The following C5 variants were observed in gnomAD, a reference collection of about 807,000 sequenced individuals.
C5 encodes the protein complement C5, also known as C3 and PZP-like alpha-2-macroglobulin domain-containing protein 4.
In C5, 140 loss-of-function variants were observed where a neutral mutation model predicts 218.8. The ratio of observed to expected loss-of-function variants is 0.64; its 90% confidence interval spans 0.56 to 0.74. The LOEUF (loss-of-function observed/expected upper bound fraction) is 0.74, where lower values mean the gene tolerates loss of function less well. C5 is among the 30% of genes least tolerant of loss of function. C5 has a pLI of 0.00. For missense variants in C5, 1,700 were observed against 1,969.6 expected (o/e 0.86, Z 2.59); for synonymous variants, 614 against 682.3 (o/e 0.90, Z 1.56).
intron 20 of C5, among the ~76,000 whole-genome samples, chr9:120,998,846 T>C (rs190540217): frequency 6.6e-6 from 1 of 152,294 alleles, no homozygotes; most frequent in East Asian, 1.9e-4. Context: ...AATAAATCCA[T>C]AAAATCCAGA....
chr9:120,977,644 T>C (rs1402360876), intron 28 of C5, among the ~76,000 whole-genome samples: 1 of 152,162 alleles, frequency 6.6e-6, no homozygotes, highest in Non-Finnish European at 1.5e-5. Flanking sequence ...GGTCTCAAAC[T>C]ACTGGGCTCA....
chr9:121,053,397 G>A (rs1289093693), upstream of C5, among the ~76,000 whole-genome samples: 2 of 152,188 alleles, frequency 1.3e-5, no homozygotes, highest in African/African-American at 4.8e-5. Flanking sequence ...ATGGGATATA[G>A]AGGAGAAAGG....
intron 3 of C5, among the ~76,000 whole-genome samples, chr9:121,040,078 C>T (rs957854046): frequency 6.6e-6 from 1 of 152,126 alleles, no homozygotes; most frequent in Non-Finnish European, 1.5e-5. Context: ...TGAAGTGCCA[C>T]AAAGGATATT....
Position 120,980,125 on chromosome 9 carries a change from G to T in C5, c.3616C>A (p.Arg1206Ser), listed in dbSNP as rs1402957355. 3.7e-6 allele frequency: 6 copies of T among 1,614,036 alleles called. No individual in the cohort carries two copies. The highest frequency in any genetic ancestry group is 5.1e-6 in the Non-Finnish European group (6 of 1,180,008). ...SLGDKTHPQF[R>S]SIVSALKREA... ...CTCTTCAAAGCTGAAACAATTGAAC[G>T]AAACTGTGGGTGAGTTTTATCTCCC... Residue 1206 changes from arginine to serine, a missense_variant, in exon 28 of 41, where the codon CGT (arginine) becomes AGT (serine). Physicochemically the swap from Arg to Ser is moderately radical, Grantham distance 110. Transcript: ENST00000223642.
At chr9:120,960,192 AC>A in intron 38 of C5, 55 bp downstream of exon 38, 13 of 1,087,012 alleles carry the variant, frequency 1.2e-5, no homozygotes. Context: ...TTCTAACTGA[AC>A]ACATATTCAT....
chr9:121,036,582 T>A (rs568835221), intron 4 of C5, among the ~76,000 whole-genome samples: 27 of 144,418 alleles, frequency 1.9e-4, no homozygotes, highest in East Asian at 2.1e-4. Context: ...CATTTTTTTT[T>A]ATTTCTTCTT....
At chr9:121,056,779 T>G in the C5 span, among the ~76,000 whole-genome samples, 1 of 150,874 alleles carries the variant, frequency 6.6e-6, no homozygotes. Flanking sequence ...AAAGGGGATG[T>G]AGAGAGAGAG....
rs962647106 is a variant in C5, at chr9:120,997,520, T to G, written c.2790+27A>C. The G allele has an allele frequency of 2.7e-6, 4 of 1,481,326 alleles. No individual in the cohort carries two copies. In the African/African-American group the frequency reaches 5.5e-5, roughly 20 times the overall value. 91.8% of individuals were successfully genotyped at this position (1,481,326 alleles called of 1,614,324 possible). A position where few individuals can be genotyped will look rare whatever the true frequency, so the allele number is the denominator to read the frequency against. On this transcript the variant is annotated intron_variant, in intron 21 of 40. Transcript: ENST00000223642. Reference sequence around the variant, plus strand: ...TCTCTCTTTTGCAATAATTTAAGCATAAGTTATTGAAGCATGTTTTTCTTA... The same window carrying G: ...TCTCTCTTTTGCAATAATTTAAGCAGAAGTTATTGAAGCATGTTTTTCTTA...
the C5 span, among the ~76,000 whole-genome samples, chr9:121,070,874 G>T: frequency 2.0e-5 from 3 of 152,130 alleles, no homozygotes; most frequent in East Asian, 5.8e-4. Flanking sequence ...TAGCTAGAAG[G>T]AGGGTATGAA....
chr9:121,051,651 A>G (rs2047672155), upstream of C5, among the ~76,000 whole-genome samples: 1 of 152,224 alleles, frequency 6.6e-6, no homozygotes, highest in South Asian at 2.1e-4. Flanking sequence ...AATAAATAAT[A>G]AACCAAAAAT....
intron 33 of C5, among the ~76,000 whole-genome samples, chr9:120,965,309 C>T (rs2046858801): frequency 6.6e-6 from 1 of 151,954 alleles, no homozygotes; most frequent in African/African-American, 2.4e-5. Flanking sequence ...CAGCTGAAGC[C>T]AGGAGTTCGA....
At position 120,970,945 on chromosome 9, in the gene C5, A is replaced by T. The variant is rs150084983; in HGVS notation, c.4081-694T>A. ...CCAGCACATTGGGAGGTCAAGGTGG[A>T]CGGATCACTTGAGGTCAGGAGTTTG... is the stretch of plus-strand genomic sequence containing the variant. On this transcript the variant is annotated intron_variant, in intron 31 of 40. Coordinates refer to ENST00000223642, the MANE Select transcript of C5 (RefSeq NM_001735.3). Among the ~76,000 whole-genome samples, 141 of 152,180 alleles carry T rather than the reference A, an allele frequency of 9.3e-4. 1 individual carries two copies. Among genetic ancestry groups the T allele is most frequent in the Admixed American group, 6.8e-3 (104 of 15,272 alleles).
the C5 span, among the ~76,000 whole-genome samples, chr9:121,070,384 GATATATATATATATATAT>G: frequency 1.9e-3 from 140 of 72,858 alleles, 2 homozygotes; most frequent in East Asian, 0.012. Context: ...AAGGAAGGGT[GATATATATATATATATAT>G]ATATATATAT....
intron 22 of C5, among the ~76,000 whole-genome samples, chr9:120,995,338 A>T (rs566729922): frequency 6.6e-6 from 1 of 152,330 alleles, no homozygotes; most frequent in Admixed American, 6.5e-5. Context: ...ATTTAATAAG[A>T]ACTGCAGTAA....
At chr9:120,963,028 C>T in intron 34 of C5, 61 bp from the exon 35 acceptor site, 1 of 1,269,600 alleles carries the variant, frequency 7.9e-7, no homozygotes, top group Non-Finnish European at 1.2e-6. Context: ...TAAATGCATT[C>T]ACCTGTTGAT....
At position 121,037,923 on chromosome 9, in the gene C5, GT is replaced by G; in HGVS notation, c.449del (p.Asp150AlafsTer3). ...TTTCTCTTTTGGCTGGCTTCAAGTCGTCATTCAACGAATAAACTCTAACTTT... is the reference window on the plus strand; with the variant it reads ...TTTCTCTTTTGGCTGGCTTCAAGTCGCATTCAACGAATAAACTCTAACTTT... ...SVKVRVYSLN[D>X]DLKPAKRETV... On this transcript the variant is annotated frameshift_variant, in exon 4 of 41. Transcript: ENST00000223642. LOFTEE classifies it high-confidence loss of function. The G allele has an allele frequency of 6.5e-7, 1 of 1,529,092 alleles. No homozygotes were observed. Among genetic ancestry groups the G allele is most frequent in the African/African-American group, 1.4e-5 (1 of 72,962 alleles). The allele number at this position is 1,529,092 out of a possible 1,614,324, so 94.7% of individuals were successfully genotyped here. A position where few individuals can be genotyped will look rare whatever the true frequency, so the allele number is the denominator to read the frequency against.
intron 25 of C5, among the ~76,000 whole-genome samples, chr9:120,983,622 G>A (rs572113142): frequency 3.3e-5 from 5 of 152,106 alleles, no homozygotes; most frequent in South Asian, 2.1e-4. Flanking sequence ...TGAAGCCTGG[G>A]CGTCATAGTG....
At chr9:121,040,156 T>G (rs1252373613) in intron 3 of C5, among the ~76,000 whole-genome samples, 3 of 152,242 alleles carry the variant, frequency 2.0e-5, no homozygotes, top group African/African-American at 4.8e-5. Flanking sequence ...GAAAGCTGCC[T>G]TTAGAAGGAT....
intron 9 of C5, 33 bp downstream of exon 9, chr9:121,025,421 C>T (rs2047411795): frequency 2.1e-6 from 3 of 1,428,074 alleles, no homozygotes; most frequent in African/African-American, 1.6e-5. Context: ...AGAAAGTATA[C>T]ACACACACAC....
Sources: allele counts gnomAD v4.1 joint callset (sites outside exome capture counted in the v4.1 genomes callset), GRCh38; gene constraint gnomAD v4.1.1; transcripts MANE v1.5; gene names NCBI Gene and HGNC (gene_info 2026-07-23, HGNC 2026-07-21).